TMEM51: variants seen among roughly 807,000 people sequenced by gnomAD.
TMEM51 encodes chromosome 1 open reading frame 72.
TMEM51 carries 8 observed loss-of-function variants against 13.6 expected under a neutral mutation model. That is an observed-to-expected ratio of 0.59 (90% confidence interval 0.35 to 1.07). The LOEUF (loss-of-function observed/expected upper bound fraction) is 1.07, where lower values mean the gene tolerates loss of function less well. TMEM51 is among the 50% of genes least tolerant of loss of function. The probability of loss-of-function intolerance (pLI) is 0.02; values close to 1 mark genes in which losing one functional copy is unlikely to be tolerated. For synonymous variants in TMEM51, 147 were observed against 144.4 expected (o/e 1.02, Z -0.13); for missense variants, 279 against 330.7 (o/e 0.84, Z 1.21).
At chr1:15,202,702 G>A (rs556211640) in intron 1 of TMEM51, among the ~76,000 whole-genome samples, 16 of 152,044 alleles carry the variant, frequency 1.1e-4, no homozygotes, top group Non-Finnish European at 1.5e-4. Context: ...ATGATCCAAC[G>A]TAATCTCCCC....
intron 1 of TMEM51, among the ~76,000 whole-genome samples, chr1:15,163,142 G>A (rs10927690): frequency 1.3e-5 from 2 of 151,724 alleles, no homozygotes; most frequent in Non-Finnish European, 2.9e-5. Context: ...CCAGGCTTTG[G>A]GGGGAAACGG....
chr1:15,171,096 T>TCCA, intron 1 of TMEM51: 1 of 871,206 alleles, frequency 1.1e-6, no homozygotes, highest in Non-Finnish European at 1.6e-6. Flanking sequence ...GGGTCCTCCC[T>TCCA]CCTCCTCCAC....
intron 1 of TMEM51, chr1:15,171,114 C>CCCA: frequency 3.5e-6 from 4 of 1,137,754 alleles, no homozygotes; most frequent in Non-Finnish European, 4.7e-6. Context: ...CACCCCCCGC[C>CCCA]ACATCCCCCA....
At chr1:15,159,372 G>C (rs568046505) in intron 1 of TMEM51, among the ~76,000 whole-genome samples, 2 of 152,094 alleles carry the variant, frequency 1.3e-5, no homozygotes, top group South Asian at 4.2e-4. Flanking sequence ...ACACGTTCAC[G>C]GTGCAGCCTG....
At chr1:15,191,161 T>C (rs6673489) in intron 1 of TMEM51, among the ~76,000 whole-genome samples, 95,211 of 151,376 alleles carry the variant, frequency 0.63, 30,418 homozygotes, top group East Asian at 0.93. Flanking sequence ...AAGCAGAAGC[T>C]GGATGCATAT....
chr1:15,155,122 A>G (rs1642544688), intron 1 of TMEM51, among the ~76,000 whole-genome samples: 1 of 152,186 alleles, frequency 6.6e-6, no homozygotes, highest in African/African-American at 2.4e-5. Flanking sequence ...GCCCCTCCAA[A>G]TATCTCACTC....
chr1:15,163,640 T>TTTTTTTTTTTTTGAGACAG (rs1553197697), intron 1 of TMEM51, among the ~76,000 whole-genome samples: 1 of 150,360 alleles, frequency 6.7e-6, no homozygotes, highest in Non-Finnish European at 1.5e-5. Context: ...TTATTTTTTG[T>TTTTTTTTTTTTTGAGACAG]AATAATAGCA....
intron 1 of TMEM51, chr1:15,168,862 G>A: frequency 8.2e-7 from 1 of 1,215,108 alleles, no homozygotes; most frequent in Non-Finnish European, 1.0e-6. Flanking sequence ...AGATATTTGG[G>A]GACTACCCTT....
At chr1:15,184,259 T>C (rs964847975) in intron 1 of TMEM51, among the ~76,000 whole-genome samples, 3 of 152,194 alleles carry the variant, frequency 2.0e-5, no homozygotes, top group Admixed American at 1.3e-4. Context: ...TCTCTTGACC[T>C]CGTGATCCGC....
At chr1:15,215,471 TGGGCAC>T (rs1644416951) in intron 3 of TMEM51, 40 bp downstream of exon 3, 1 of 1,521,006 alleles carries the variant, frequency 6.6e-7, no homozygotes, top group Non-Finnish European at 8.8e-7. Flanking sequence ...GGATCGGGGA[TGGGCAC>T]GCACGCATGC....
chr1:15,167,800 T>G (rs577667853), intron 1 of TMEM51, among the ~76,000 whole-genome samples: 37 of 152,294 alleles, frequency 2.4e-4, no homozygotes, highest in African/African-American at 8.4e-4. Flanking sequence ...ACCCTGCTGG[T>G]AGGAGGTTGA....
At chr1:15,211,330 A>G (rs1396450629) in intron 2 of TMEM51, among the ~76,000 whole-genome samples, 1 of 152,222 alleles carries the variant, frequency 6.6e-6, no homozygotes, top group Non-Finnish European at 1.5e-5. Context: ...GAGGGCCACA[A>G]ACCATTATAA....
At chr1:15,219,299 T>C in intron 3 of TMEM51, 27 bp from the exon 4 acceptor site, 1 of 1,551,378 alleles carries the variant, frequency 6.4e-7, no homozygotes, top group Non-Finnish European at 8.7e-7. Flanking sequence ...AGGCTAACAC[T>C]CTCCCTGTCT....
chr1:15,158,765 C>G (rs1642671568), intron 1 of TMEM51, among the ~76,000 whole-genome samples: 2 of 152,122 alleles, frequency 1.3e-5, no homozygotes, highest in African/African-American at 4.8e-5. Flanking sequence ...ACTGGAAGTA[C>G]TCGTATCTTG....
At chr1:15,208,489 G>A (rs1644286677) in intron 1 of TMEM51, among the ~76,000 whole-genome samples, 1 of 152,060 alleles carries the variant, frequency 6.6e-6, no homozygotes, top group South Asian at 2.1e-4. Context: ...ACATTAGCTG[G>A]GTGTGATGGT....
chr1:15,191,359 T>C (rs528928745), intron 1 of TMEM51, among the ~76,000 whole-genome samples: 1 of 152,284 alleles, frequency 6.6e-6, no homozygotes, highest in African/African-American at 2.4e-5. Flanking sequence ...AAGCCACAAG[T>C]TGGTGGCAGT....
chr1:15,196,321 T>C (rs6690852), intron 1 of TMEM51, among the ~76,000 whole-genome samples: 64,706 of 151,990 alleles, frequency 0.43, 14,941 homozygotes, highest in East Asian at 0.91. Context: ...TCGATAGTGC[T>C]GTGATGGGAA....
chr1:15,178,673 C>G (rs545510976), intron 1 of TMEM51, among the ~76,000 whole-genome samples: 4 of 152,258 alleles, frequency 2.6e-5, no homozygotes, highest in African/African-American at 9.6e-5. Flanking sequence ...CAGATGAGGA[C>G]ATTGAGGCTC....
At chr1:15,213,502 T>C (rs1316276) in intron 2 of TMEM51, among the ~76,000 whole-genome samples, 128,948 of 152,142 alleles carry the variant, frequency 0.85, 54,977 homozygotes, top group East Asian at 0.97. Flanking sequence ...ACAGGAATAA[T>C]GTATGGGGGA....
Sources: allele counts gnomAD v4.1 joint callset (sites outside exome capture counted in the v4.1 genomes callset), GRCh38; gene constraint gnomAD v4.1.1; transcripts MANE v1.5; gene names NCBI Gene and HGNC (gene_info 2026-07-23, HGNC 2026-07-21).